SDK1: variants seen among roughly 807,000 people sequenced by gnomAD.
The protein encoded by SDK1 is protein sidekick-1.
A neutral mutation model predicts 245.5 loss-of-function variants in SDK1; 157 were observed. The observed-to-expected ratio is 0.64, with a 90% confidence interval of 0.56 to 0.73. The LOEUF (loss-of-function observed/expected upper bound fraction) is 0.73. SDK1 is among the 30% of genes least tolerant of loss of function. The pLI is 0.00. For synonymous variants in SDK1, 1,647 were observed against 1,278.5 expected (o/e 1.29, Z -6.15); for missense variants, 3,583 against 3,002.3 (o/e 1.19, Z -4.52).
intron 32 of SDK1, among the ~76,000 whole-genome samples, chr7:4,162,774 T>G (rs1437942246): frequency 6.6e-6 from 1 of 152,182 alleles, no homozygotes; most frequent in Non-Finnish European, 1.5e-5. Context: ...ACACACTCCT[T>G]GTTGGGCCTG....
chr7:4,265,068 C>T lies in SDK1; in HGVS notation c.6382-56C>T, dbSNP rs555274133. The T allele has an allele frequency of 6.6e-6, 10 of 1,504,020 alleles. No homozygotes were observed. In the East Asian group the frequency reaches 1.9e-4, roughly 28 times the overall value. 93.2% of individuals were successfully genotyped at this position (1,504,020 alleles called of 1,614,324 possible). ...CCACCGCCAGGCCTCCTGCCCAGCA[C>T]GCTCCGGGCCCTGCGCCCTGCCCTG... On this transcript the variant is annotated intron_variant, in intron 44 of 44. Coordinates refer to ENST00000404826, the MANE Select transcript of SDK1 (RefSeq NM_152744.4).
chr7:3,941,837 G>C (rs536880989), intron 5 of SDK1, among the ~76,000 whole-genome samples: 209 of 151,942 alleles, frequency 1.4e-3, no homozygotes, highest in African/African-American at 4.9e-3. Flanking sequence ...TGTTACAGTT[G>C]CAGTCATCCT....
intron 14 of SDK1, among the ~76,000 whole-genome samples, chr7:4,003,836 A>T (rs1583797122): frequency 1.3e-5 from 2 of 152,178 alleles, no homozygotes; most frequent in Admixed American, 1.3e-4. Flanking sequence ...GGTGGAGGGG[A>T]GCCTCTGATT....
chr7:3,577,150 A>G (rs1159309213), intron 1 of SDK1, among the ~76,000 whole-genome samples: 1 of 151,966 alleles, frequency 6.6e-6, no homozygotes, highest in African/African-American at 2.4e-5. Context: ...AATGAAATCC[A>G]CACACACTCC....
At chr7:3,316,413 G>C (rs1344068679) in intron 1 of SDK1, among the ~76,000 whole-genome samples, 1 of 152,146 alleles carries the variant, frequency 6.6e-6, no homozygotes, top group South Asian at 2.1e-4. Flanking sequence ...ACCTAGGTGT[G>C]TAGGAGGCCA....
At chr7:3,905,606 G>T (rs1299928941) in intron 5 of SDK1, among the ~76,000 whole-genome samples, 2 of 151,920 alleles carry the variant, frequency 1.3e-5, no homozygotes, top group African/African-American at 4.8e-5. Context: ...TGTTTCTTTA[G>T]AATCATGTCC....
At chr7:3,405,787 C>G (rs1779034967) in intron 1 of SDK1, among the ~76,000 whole-genome samples, 1 of 148,292 alleles carries the variant, frequency 6.7e-6, no homozygotes, top group Non-Finnish European at 1.5e-5. Context: ...TTCTGTTGTG[C>G]TTAATTTTCT....
chr7:4,095,677 A>C (rs1487475405), intron 22 of SDK1, among the ~76,000 whole-genome samples: 2 of 152,056 alleles, frequency 1.3e-5, no homozygotes, highest in Non-Finnish European at 2.9e-5. Context: ...GGTTCAAGCG[A>C]TTCTGCTGCC....
chr7:4,242,000 C>T (rs1786554354), intron 43 of SDK1, 87 bp downstream of exon 43: 2 of 1,488,140 alleles, frequency 1.3e-6, no homozygotes, highest in African/African-American at 1.4e-5. Context: ...GCACCTCCTG[C>T]ATCCCGCCCT....
At chr7:4,149,514 C>T (rs765061066) in intron 30 of SDK1, 51 bp downstream of exon 30, 17 of 1,275,552 alleles carry the variant, frequency 1.3e-5, no homozygotes, top group Admixed American at 3.5e-5. Context: ...CTGGCCGCCT[C>T]CAGCCAGCTC....
intron 1 of SDK1, among the ~76,000 whole-genome samples, chr7:3,469,921 T>C (rs1244137068): frequency 6.6e-6 from 1 of 152,208 alleles, no homozygotes; most frequent in Admixed American, 6.5e-5. Context: ...AATGGTTTCA[T>C]CCTAAGTTAT....
rs991922661 is a variant in SDK1 at position 4,221,370 on chromosome 7, G to A, written c.5827+6G>A. The stretch of plus-strand genomic sequence containing the variant: ...GATCGAGGCCCGGCCCTCAGGTAGG[G>A]TGGCAGGCCCCACAAACGGGGTCTC... On this transcript the variant is annotated splice_donor_region_variant and intron_variant, in intron 40 of 44. Transcript: ENST00000404826. 4 of 1,601,672 alleles carry A rather than the reference G, an allele frequency of 2.5e-6. No individual in the cohort carries two copies. The highest frequency in any genetic ancestry group is 2.7e-5 in the African/African-American group (2 of 74,660).
At chr7:4,250,099 T>C (rs1037402052) in intron 44 of SDK1, among the ~76,000 whole-genome samples, 2 of 152,152 alleles carry the variant, frequency 1.3e-5, no homozygotes, top group Non-Finnish European at 2.9e-5. Context: ...ACTTTCTACC[T>C]CTCTAGGTGT....
intron 1 of SDK1, among the ~76,000 whole-genome samples, chr7:3,488,734 G>T (rs942423479): frequency 6.6e-6 from 1 of 152,126 alleles, no homozygotes; most frequent in Non-Finnish European, 1.5e-5. Flanking sequence ...GTTGTTAACT[G>T]GGGGCCTCAG....
chr7:3,826,323 A>G (rs1036731676), intron 5 of SDK1, among the ~76,000 whole-genome samples: 1 of 152,168 alleles, frequency 6.6e-6, no homozygotes. Flanking sequence ...TCTTTACTTG[A>G]CGTCTCATGG....
intron 1 of SDK1, among the ~76,000 whole-genome samples, chr7:3,387,376 C>T (rs1781636291): frequency 6.6e-6 from 1 of 152,166 alleles, no homozygotes. Flanking sequence ...CTCCCACCTC[C>T]TTGTAGGAGC....
intron 25 of SDK1, among the ~76,000 whole-genome samples, chr7:4,125,747 T>C (rs557490178): frequency 6.6e-6 from 1 of 152,342 alleles, no homozygotes; most frequent in South Asian, 2.1e-4. Flanking sequence ...GGACTGGTCA[T>C]AGCATCCTCC....
chr7:3,859,272 G>A (rs1328223841), intron 5 of SDK1, among the ~76,000 whole-genome samples: 2 of 152,166 alleles, frequency 1.3e-5, no homozygotes, highest in East Asian at 3.9e-4. Flanking sequence ...AGGCTGGGCT[G>A]GAGGTCTCCT....
At chr7:4,173,137 ACATC>A (rs1781959308) in intron 32 of SDK1, among the ~76,000 whole-genome samples, 1 of 152,228 alleles carries the variant, frequency 6.6e-6, no homozygotes, top group Non-Finnish European at 1.5e-5. Flanking sequence ...AGTTCTGTGC[ACATC>A]CGTCCTCTGA....
Sources: gnomAD v4.1 joint callset for allele counts (sites outside exome capture counted in the v4.1 genomes callset) on GRCh38, gnomAD v4.1.1 for gene constraint, MANE v1.5 for transcripts, NCBI Gene and HGNC (gene_info 2026-07-23, HGNC 2026-07-21) for gene names.